KCNT1: variants seen among roughly 807,000 people sequenced by gnomAD.
The protein encoded by KCNT1 is potassium sodium-activated channel subfamily T member 1, also known as potassium channel subfamily T member 1.
Under a neutral mutation model 147.8 loss-of-function variants are expected in KCNT1, and 78 were observed. That is an observed-to-expected ratio of 0.53 (90% CI 0.44 to 0.64). The LOEUF is 0.64. Among genes scored for constraint, KCNT1 ranks in the 30% least tolerant of loss-of-function variants. KCNT1 has a pLI of 0.00. For missense variants in KCNT1, 1,419 were observed against 1,750.3 expected (o/e 0.81, Z 3.38); for synonymous variants, 867 against 748.8 (o/e 1.16, Z -2.58).
At chr9:135,729,924 G>C (rs575699760) in intron 2 of KCNT1, among the ~76,000 whole-genome samples, 1 of 152,184 alleles carries the variant, frequency 6.6e-6, no homozygotes, top group Middle Eastern at 3.2e-3. Context: ...AAGGTGGCCT[G>C]TGGCTTTACG....
At chr9:135,791,742 AGCTGGGAGGGGCAGG>A in intron 29 of KCNT1, 40 bp from the exon 30 acceptor site, 1 of 1,476,958 alleles carries the variant, frequency 6.8e-7, no homozygotes, top group Non-Finnish European at 9.5e-7. Flanking sequence ...GCCCCTGCAG[AGCTGGGAGGGGCAGG>A]GCTGGGGGGG....
chr9:135,702,378 G>C lies in KCNT1; in HGVS notation c.110+10G>C. The C allele has an allele frequency of 6.2e-7, 1 of 1,603,808 alleles. No individual in the cohort carries two copies. Among genetic ancestry groups the C allele is most frequent in the African/African-American group, 1.3e-5 (1 of 74,186 alleles). ...GCCAATGCGCCCCCAGGTACAGTCT[G>C]CTGCGCCCTCCCCACGCGGGGAGGC... On this transcript the variant is annotated intron_variant, in intron 1 of 30. Transcript: ENST00000371757.
At chr9:135,772,099 G>T (rs76009828) in intron 18 of KCNT1, among the ~76,000 whole-genome samples, 15 of 152,146 alleles carry the variant, frequency 9.9e-5, no homozygotes, top group Non-Finnish European at 2.2e-4. Flanking sequence ...TCGGGGGGCC[G>T]GGCCTGGCCG....
At chr9:135,712,166 G>A (rs1224465733) in intron 1 of KCNT1, among the ~76,000 whole-genome samples, 1 of 152,150 alleles carries the variant, frequency 6.6e-6, no homozygotes, top group Non-Finnish European at 1.5e-5. Flanking sequence ...GCCTTGTCTA[G>A]GGGGTGTGCT....
In KCNT1 at chr9:135,786,437, C is replaced by T. The variant is rs1237797436; in HGVS notation, c.3418C>T (p.Leu1140=). Residue 1140 remains leucine, a synonymous_variant, in exon 29 of 31, where the codon CTG becomes TTG. Coordinates refer to ENST00000371757, the MANE Select transcript of KCNT1 (RefSeq NM_020822.3). The part of the protein sequence containing the change: ...AEWISQQRLS[L]YRRSERQELS... The stretch of plus-strand genomic sequence containing the variant: ...GTGGATCAGCCAGCAGCGCCTCAGC[C>T]TGTACCGGCGCTCTGAGCGCCAGGA... 6 of 1,596,032 alleles carry T rather than the reference C, an allele frequency of 3.8e-6. No individual in the cohort carries two copies. The highest frequency in any genetic ancestry group is 5.1e-6 in the Non-Finnish European group (6 of 1,172,422).
At chr9:135,733,628 A>G (rs1279255662) in intron 2 of KCNT1, among the ~76,000 whole-genome samples, 1 of 123,208 alleles carries the variant, frequency 8.1e-6, no homozygotes, top group Non-Finnish European at 1.7e-5. Flanking sequence ...TCACATCTGT[A>G]AATGTCACAC....
intron 2 of KCNT1, among the ~76,000 whole-genome samples, chr9:135,722,160 C>T (rs1385318046): frequency 6.6e-6 from 1 of 152,146 alleles, no homozygotes; most frequent in Non-Finnish European, 1.5e-5. Context: ...AGGGCTGGCT[C>T]AGTCCTCAGC....
chr9:135,771,873 G>T (rs964677292), intron 18 of KCNT1, among the ~76,000 whole-genome samples: 4 of 151,996 alleles, frequency 2.6e-5, no homozygotes, highest in Admixed American at 2.6e-4. Flanking sequence ...TGCCACCTCC[G>T]TACAGTGGCC....
intron 22 of KCNT1, 31 bp downstream of exon 22, chr9:135,778,526 G>C (rs1462234737): frequency 6.2e-7 from 1 of 1,600,700 alleles, no homozygotes; most frequent in South Asian, 1.1e-5. Flanking sequence ...GCTCGTGGGG[G>C]CTCCACACCC....
At chr9:135,761,870 C>G (rs905889670) in intron 11 of KCNT1, among the ~76,000 whole-genome samples, 1 of 152,354 alleles carries the variant, frequency 6.6e-6, no homozygotes, top group South Asian at 2.1e-4. Context: ...GCTCCACCTT[C>G]GGGCTGCGTC....
In KCNT1 at chr9:135,765,671, G is replaced by A. The variant is rs566019194; in HGVS notation, c.1248G>A (p.Val416=). The A allele has an allele frequency of 6.8e-6, 11 of 1,611,062 alleles. No individual in the cohort carries two copies. In the South Asian group the frequency reaches 9.9e-5, roughly 15 times the overall value. Residue 416 remains valine, a synonymous_variant, in exon 13 of 31, where the codon GTG becomes GTA. Coordinates refer to ENST00000371757, the MANE Select transcript of KCNT1 (RefSeq NM_020822.3). ...GCCCCACGGAGATGGATGTCCAGGT[G>A]CGCAGAGTCCTGCAGATCCCTCTGT... is the stretch of plus-strand genomic sequence containing the variant. The part of the protein sequence containing the change: ...ILCPTEMDVQ[V]RRVLQIPLWS...
chr9:135,753,294 G>T (rs1292153190), intron 4 of KCNT1, among the ~76,000 whole-genome samples: 1 of 152,154 alleles, frequency 6.6e-6, no homozygotes, highest in Non-Finnish European at 1.5e-5. Flanking sequence ...CATCACCAGG[G>T]GCCTTGTGAG....
At position 135,786,444 on chromosome 9, in the gene KCNT1, G is replaced by C; in HGVS notation, c.3425G>C (p.Arg1142Pro). 1 of 1,597,554 alleles carries C rather than the reference G, an allele frequency of 6.3e-7. No individual in the cohort carries two copies. The highest frequency in any genetic ancestry group is 8.5e-7 in the Non-Finnish European group (1 of 1,173,316). The change falls in exon 29 of 31, where the codon CGG (arginine) becomes CCG (proline). Residue 1142 changes from arginine (R) to proline (P), a missense_variant. Physicochemically the swap from Arg to Pro is moderately radical, Grantham distance 103. This residue lies in a region of KCNT1 where 306 missense variants were observed against 294.2 expected (regional missense o/e 1.04). Transcript: ENST00000371757. The part of the protein sequence containing the change: ...WISQQRLSLY[R>P]RSERQELSEL... ...AGCCAGCAGCGCCTCAGCCTGTACC[G>C]GCGCTCTGAGCGCCAGGAGCTCTCC...
chr9:135,752,531 G>A lies in KCNT1; in HGVS notation c.435-1406G>A. 1 of 439,986 alleles carries A rather than the reference G, an allele frequency of 2.3e-6. No homozygotes were observed. Among genetic ancestry groups the A allele is most frequent in the Non-Finnish European group, 4.5e-6 (1 of 220,126 alleles). 27.3% of individuals were successfully genotyped at this position (439,986 alleles called of 1,614,324 possible). On this transcript the variant is annotated intron_variant, in intron 4 of 30. Transcript: ENST00000371757. The surrounding 1 kb of genome is among the most constrained non-coding windows in gnomAD (Gnocchi z 5.1). Reference sequence around the variant, plus strand: ...CATCCCCACAGGGCCCAAGTCTGTTGTGTTCACTGCCCGTCCCCTAGCACA... The same window carrying A: ...CATCCCCACAGGGCCCAAGTCTGTTATGTTCACTGCCCGTCCCCTAGCACA...
At chr9:135,718,464 G>A (rs1158549042) in intron 2 of KCNT1, among the ~76,000 whole-genome samples, 1 of 152,228 alleles carries the variant, frequency 6.6e-6, no homozygotes, top group Non-Finnish European at 1.5e-5. Context: ...GGAAGGGCTG[G>A]TGTGCCCGGA....
intron 17 of KCNT1, 98 bp downstream of exon 17, chr9:135,770,545 G>GGCCCTGGGGCA (rs1832682329): frequency 6.8e-7 from 1 of 1,461,914 alleles, no homozygotes; most frequent in Non-Finnish European, 9.2e-7. Flanking sequence ...GCCCTGGGGC[G>GGCCCTGGGGCA]GGGCTGCAGA....
intron 2 of KCNT1, chr9:135,736,885 G>A: frequency 3.6e-6 from 1 of 281,418 alleles, no homozygotes; most frequent in Non-Finnish European, 6.7e-6. Context: ...CTGCAGCCCG[G>A]GGAAGGGGGG....
At chr9:135,777,288 G>A (rs755736267) in intron 20 of KCNT1, 50 bp from the exon 21 acceptor site, 2 of 1,577,802 alleles carry the variant, frequency 1.3e-6, no homozygotes, top group Admixed American at 1.7e-5. Context: ...CCAGTGGCCA[G>A]CAGGAACCAC....
intron 13 of KCNT1, among the ~76,000 whole-genome samples, chr9:135,768,274 G>T (rs1383769100): frequency 1.5e-5 from 1 of 66,698 alleles, no homozygotes; most frequent in Non-Finnish European, 3.4e-5. Flanking sequence ...GATACCGGTG[G>T]GGGGGGCACA....
Sources: allele counts gnomAD v4.1 joint callset (sites outside exome capture counted in the v4.1 genomes callset), GRCh38; gene constraint gnomAD v4.1.1; regional missense constraint gnomAD v4.1.1; non-coding constraint Gnocchi (gnomAD v3.1); transcripts MANE v1.5; gene names NCBI Gene and HGNC (gene_info 2026-07-23, HGNC 2026-07-21).